The following PAK1 variants were observed in gnomAD, a reference collection of about 807,000 sequenced individuals.
PAK1 encodes the protein serine/threonine-protein kinase PAK 1.
In PAK1, 29 loss-of-function variants were observed where a neutral mutation model predicts 67.4. The ratio of observed to expected loss-of-function variants is 0.43; its 90% CI spans 0.32 to 0.59. PAK1 has a LOEUF of 0.59. Among genes scored for constraint, PAK1 ranks in the 20% least tolerant of loss-of-function variants. The pLI, the probability that PAK1 is intolerant of heterozygous loss-of-function variation, is 0.07. For missense variants in PAK1, 337 were observed against 670.7 expected (o/e 0.50, Z 5.50); for synonymous variants, 223 against 237.4 (o/e 0.94, Z 0.56).
chr11:77,442,952 C>T (rs976311742), intron 1 of PAK1, among the ~76,000 whole-genome samples: 21 of 152,140 alleles, frequency 1.4e-4, no homozygotes, highest in African/African-American at 5.1e-4. Context: ...ATTGAAGATA[C>T]AGAGATATCA....
At chr11:77,382,853 C>G (rs1950004807) in intron 2 of PAK1, among the ~76,000 whole-genome samples, 1 of 152,124 alleles carries the variant, frequency 6.6e-6, no homozygotes. Flanking sequence ...CAAAAATTAG[C>G]TGGGCGTGGA....
At chr11:77,425,687 T>C (rs1202511083) in intron 1 of PAK1, among the ~76,000 whole-genome samples, 1 of 152,234 alleles carries the variant, frequency 6.6e-6, no homozygotes, top group Non-Finnish European at 1.5e-5. Flanking sequence ...CCTAGCACCG[T>C]GTAAGGCATA....
chr11:77,368,055 G>A (rs1017850318), intron 5 of PAK1, among the ~76,000 whole-genome samples: 1 of 152,210 alleles, frequency 6.6e-6, no homozygotes, highest in Admixed American at 6.5e-5. Context: ...GAAGCAAGGG[G>A]AAGAAATCAT....
At chr11:77,528,231 C>T in the PAK1 span, among the ~76,000 whole-genome samples, 1 of 152,080 alleles carries the variant, frequency 6.6e-6, no homozygotes, top group African/African-American at 2.4e-5. Flanking sequence ...AACATAGCCA[C>T]AATACCATTA....
intron 1 of PAK1, among the ~76,000 whole-genome samples, chr11:77,421,924 AG>A (rs1455339901): frequency 6.6e-6 from 1 of 152,354 alleles, no homozygotes; most frequent in Middle Eastern, 3.4e-3. Flanking sequence ...GAGAAGATAC[AG>A]CAACAAGTTA....
intron 4 of PAK1, among the ~76,000 whole-genome samples, chr11:77,378,168 C>A (rs1218163513): frequency 6.6e-6 from 1 of 152,176 alleles, no homozygotes; most frequent in Non-Finnish European, 1.5e-5. Flanking sequence ...AAAAGATTAG[C>A]CCACTATTAA....
chr11:77,362,779 ATCC>A lies in PAK1; in HGVS notation c.478-3765_478-3763del, dbSNP rs1249053032. 3.1e-3 allele frequency among the ~76,000 whole-genome samples: 474 copies of A among 152,354 alleles called. 4 individuals carry two copies. The highest frequency in any genetic ancestry group is 0.011 in the African/African-American group (444 of 41,580). On this transcript the variant is annotated intron_variant, in intron 5 of 14. Transcript: ENST00000356341. The stretch of plus-strand genomic sequence containing the variant: ...TAGGATTGCTAAATGAATATGTCTT[ATCC>A]AATAGTAGTATAAACTGGAATGAAA...
chr11:77,508,320 A>G, the PAK1 span, among the ~76,000 whole-genome samples: 1 of 152,218 alleles, frequency 6.6e-6, no homozygotes, highest in Non-Finnish European at 1.5e-5. Flanking sequence ...TTGGTTCAAT[A>G]CCAAAACAAT....
intron 5 of PAK1, among the ~76,000 whole-genome samples, chr11:77,368,818 A>T (rs1947978524): frequency 6.6e-6 from 1 of 152,086 alleles, no homozygotes; most frequent in African/African-American, 2.4e-5. Context: ...CACCAAGCCC[A>T]GCTAATTTTT....
At chr11:77,399,852 C>T (rs1952391245) in intron 1 of PAK1, among the ~76,000 whole-genome samples, 2 of 46,418 alleles carry the variant, frequency 4.3e-5, no homozygotes, top group South Asian at 2.1e-3. Flanking sequence ...GAGCGAGACT[C>T]CGTCTCAAAA....
Position 77,416,083 on chromosome 11 carries a change from A to G in PAK1, c.-21-23542T>C, listed in dbSNP as rs374091103. Among the ~76,000 whole-genome samples, 10 of 151,750 alleles carry G rather than the reference A, an allele frequency of 6.6e-5. No homozygotes were observed. The East Asian group carries it at 1.9e-3, about 29-fold the overall frequency. On this transcript the variant is annotated intron_variant, in intron 1 of 14. Coordinates refer to ENST00000356341, the MANE Select transcript of PAK1 (RefSeq NM_002576.5). ...AACCTCCACTTTCTGGGTTCAAGCA[A>G]TTCTTGTGCCTCAGCCTCCCGAGTA... is the stretch of plus-strand genomic sequence containing the variant.
chr11:77,409,111 ATT>A (rs35041035), intron 1 of PAK1, among the ~76,000 whole-genome samples: 23 of 150,416 alleles, frequency 1.5e-4, no homozygotes, highest in African/African-American at 5.6e-4. Context: ...AAAAAAAAAA[ATT>A]TTTTTTTTAT....
the PAK1 span, among the ~76,000 whole-genome samples, chr11:77,500,996 G>C: frequency 6.6e-6 from 1 of 151,368 alleles, no homozygotes; most frequent in Admixed American, 6.6e-5. Context: ...ACCCAATCCC[G>C]GGTAATTAGC....
the PAK1 span, among the ~76,000 whole-genome samples, chr11:77,497,435 C>A: frequency 6.6e-6 from 1 of 152,208 alleles, no homozygotes; most frequent in Non-Finnish European, 1.5e-5. Context: ...GAAACTGAGA[C>A]CCAGAAGGAA....
chr11:77,388,440 G>A (rs980993195), intron 2 of PAK1, among the ~76,000 whole-genome samples: 2 of 152,184 alleles, frequency 1.3e-5, no homozygotes, highest in African/African-American at 2.4e-5. Flanking sequence ...TGCAAGCTCC[G>A]CCTCCTGGGT....
At chr11:77,413,752 T>A (rs1387085018) in intron 1 of PAK1, among the ~76,000 whole-genome samples, 1 of 151,504 alleles carries the variant, frequency 6.6e-6, no homozygotes. Context: ...AAAGAAAGAA[T>A]TGGTCAATAA....
chr11:77,446,357 C>T (rs1592504985), intron 1 of PAK1, among the ~76,000 whole-genome samples: 1 of 151,880 alleles, frequency 6.6e-6, no homozygotes, highest in East Asian at 1.9e-4. Context: ...ACTAAAAATA[C>T]AAAAATTAGC....
intron 14 of PAK1, among the ~76,000 whole-genome samples, chr11:77,330,647 G>A (rs1405379433): frequency 6.6e-6 from 1 of 152,270 alleles, no homozygotes; most frequent in African/African-American, 2.4e-5. Flanking sequence ...AGATGGATTA[G>A]AGACTTAAAT....
At chr11:77,373,020 G>A (rs1452355614) in intron 5 of PAK1, among the ~76,000 whole-genome samples, 1 of 152,184 alleles carries the variant, frequency 6.6e-6, no homozygotes, top group Non-Finnish European at 1.5e-5. Flanking sequence ...ATAATTGTCT[G>A]TCTGTGCCTT....
Sources: allele counts gnomAD v4.1 joint callset (sites outside exome capture counted in the v4.1 genomes callset), GRCh38; gene constraint gnomAD v4.1.1; transcripts MANE v1.5; gene names NCBI Gene and HGNC (gene_info 2026-07-23, HGNC 2026-07-21).